The following RIMS3 variants were observed in gnomAD, a reference collection of about 807,000 sequenced individuals.
RIMS3 encodes regulating synaptic membrane exocytosis protein 3.
Under a neutral mutation model 29.2 loss-of-function variants are expected in RIMS3, and 15 were observed. That is an observed-to-expected ratio of 0.51 (90% CI 0.34 to 0.79). RIMS3 has a LOEUF of 0.79. RIMS3 is among the 30% of genes least tolerant of loss of function. The pLI, the probability that RIMS3 is intolerant of heterozygous loss-of-function variation, is 0.01. For missense variants in RIMS3, 342 were observed against 421.4 expected (o/e 0.81, Z 1.65); for synonymous variants, 161 against 170.1 (o/e 0.95, Z 0.41).
chr1:40,642,693 T>C (rs570576080), intron 2 of RIMS3, among the ~76,000 whole-genome samples: 3 of 152,194 alleles, frequency 2.0e-5, no homozygotes, highest in East Asian at 3.9e-4. Context: ...CAGTGGCTCA[T>C]GCCTGTAATC....
intron 5 of RIMS3, among the ~76,000 whole-genome samples, chr1:40,632,226 C>T (rs1280449170): frequency 6.6e-6 from 1 of 151,726 alleles, no homozygotes. Context: ...TACTGGTGTG[C>T]CGCATAATGA....
At chr1:40,628,328 G>A (rs1646467985) in intron 7 of RIMS3, among the ~76,000 whole-genome samples, 1 of 152,220 alleles carries the variant, frequency 6.6e-6, no homozygotes, top group South Asian at 2.1e-4. Flanking sequence ...TGTGCAGAAG[G>A]CCTTTGTTGC....
chr1:40,620,783 C>G lies in RIMS3; in HGVS notation c.*5734G>C, dbSNP rs558112464. ...CAAGGGAATTGGCAAGAATGTTGTACGAAACAGCCGGCAGTCCCTCCCAGC... is the reference window on the plus strand; with the variant it reads ...CAAGGGAATTGGCAAGAATGTTGTAGGAAACAGCCGGCAGTCCCTCCCAGC... On this transcript the variant is annotated 3_prime_UTR_variant, in exon 8 of 8. Coordinates refer to ENST00000372684, the MANE Select transcript of RIMS3 (RefSeq NM_014747.3). 1.3e-5 allele frequency: 2 copies of G among 152,636 alleles called. No homozygotes were observed. Among genetic ancestry groups the G allele is most frequent in the Non-Finnish European group, 2.9e-5 (2 of 68,058 alleles). 9.5% of individuals were successfully genotyped at this position (152,636 alleles called of 1,614,324 possible).
At position 40,654,581 on chromosome 1, in the gene RIMS3, CCA is replaced by C. The variant is rs990212504; in HGVS notation, c.-206-6741_-206-6740del. ...TGCACACAAAAACACACCTTGTGCACCACAGACTCACATGGCATGGAGATGCA... is the reference window on the plus strand; with the variant it reads ...TGCACACAAAAACACACCTTGTGCACCAGACTCACATGGCATGGAGATGCA... On this transcript the variant is annotated intron_variant, in intron 1 of 7. Coordinates refer to ENST00000372684, the MANE Select transcript of RIMS3 (RefSeq NM_014747.3). This position sits in a 1 kb window ranked among gnomAD's most constrained non-coding sequence, Gnocchi z 5.3. 1.6e-4 allele frequency among the ~76,000 whole-genome samples: 24 copies of C among 151,984 alleles called. No individual in the cohort carries two copies. Among genetic ancestry groups the C allele is most frequent in the African/African-American group, 5.8e-4 (24 of 41,392 alleles).
chr1:40,660,362 C>A (rs1027829745), intron 1 of RIMS3, among the ~76,000 whole-genome samples: 1 of 150,514 alleles, frequency 6.6e-6, no homozygotes, highest in Non-Finnish European at 1.5e-5. Context: ...GTCACACCTG[C>A]AGATTGTTGG....
chr1:40,640,439 T>C (rs1372865768), intron 3 of RIMS3, among the ~76,000 whole-genome samples: 2 of 152,274 alleles, frequency 1.3e-5, no homozygotes, highest in Non-Finnish European at 2.9e-5. Flanking sequence ...CGGCTTTGTA[T>C]AAATCTATTT....
At chr1:40,691,610 T>A in the RIMS3 span, 4 of 372,154 alleles carry the variant, frequency 1.1e-5, no homozygotes, top group African/African-American at 8.8e-5. Context: ...CCCTTCCCAA[T>A]TCTCGCGAGA....
chr1:40,678,382 TG>T, the RIMS3 span, among the ~76,000 whole-genome samples: 1 of 152,224 alleles, frequency 6.6e-6, no homozygotes, highest in African/African-American at 2.4e-5. Flanking sequence ...TGCTCCATCC[TG>T]GGTGACAGAG....
In RIMS3 at chr1:40,635,983, G is replaced by A. The variant is rs761653267; in HGVS notation, c.292C>T (p.Arg98Trp). 7 of 1,610,794 alleles carry A rather than the reference G, an allele frequency of 4.3e-6. No homozygotes were observed. Among genetic ancestry groups the A allele is most frequent in the Middle Eastern group, 1.7e-4 (1 of 6,050 alleles). ...ETGIAVEMRSRVTRQGSREST... is the reference protein window; with the variant it reads ...ETGIAVEMRSWVTRQGSREST... ...TCCCGGCTGCCCTGGCGTGTGACCC[G>A]GCTCCGCATCTCCACCGCGATGCCT... The change falls in exon 4 of 8, where the codon CGG (arginine) becomes TGG (tryptophan). Residue 98 changes from arginine to tryptophan, a missense_variant. By Grantham distance (101) the Arg-to-Trp change is moderately radical. Coordinates refer to ENST00000372684, the MANE Select transcript of RIMS3 (RefSeq NM_014747.3). This position sits in a 1 kb window ranked among gnomAD's most constrained non-coding sequence, Gnocchi z 4.1.
intron 1 of RIMS3, among the ~76,000 whole-genome samples, chr1:40,657,925 A>G (rs1328489570): frequency 1.3e-5 from 2 of 152,122 alleles, no homozygotes; most frequent in Admixed American, 6.5e-5. Flanking sequence ...AATAAAATTT[A>G]TATGTTTTAA....
the RIMS3 span, among the ~76,000 whole-genome samples, chr1:40,682,520 C>T: frequency 6.6e-6 from 1 of 151,978 alleles, no homozygotes; most frequent in Non-Finnish European, 1.5e-5. Context: ...TTCTCGCTCC[C>T]CATGTGACCA....
chr1:40,670,942 AAAG>A, the RIMS3 span, among the ~76,000 whole-genome samples: 1 of 152,064 alleles, frequency 6.6e-6, no homozygotes, highest in Admixed American at 6.6e-5. Context: ...CAAAGGAGTT[AAAG>A]GAGAAAGTAG....
chr1:40,676,986 T>G, the RIMS3 span, among the ~76,000 whole-genome samples: 319 of 140,498 alleles, frequency 2.3e-3, 3 homozygotes, highest in African/African-American at 7.9e-3. Context: ...TATGCCTTTT[T>G]TAAAAACAGG....
chr1:40,688,718 G>A, the RIMS3 span, among the ~76,000 whole-genome samples: 7 of 152,276 alleles, frequency 4.6e-5, no homozygotes, highest in Middle Eastern at 6.8e-3. Context: ...ACACGGGCAA[G>A]GAAATCCTAA....
chr1:40,627,680 C>T (rs1234952534), intron 7 of RIMS3, among the ~76,000 whole-genome samples: 3 of 152,134 alleles, frequency 2.0e-5, no homozygotes, highest in Non-Finnish European at 4.4e-5. Flanking sequence ...TAGCTCACTG[C>T]AGCCTTGACC....
intron 5 of RIMS3, among the ~76,000 whole-genome samples, chr1:40,630,032 A>T (rs537641764): frequency 6.0e-5 from 9 of 149,974 alleles, no homozygotes; most frequent in Non-Finnish European, 1.3e-4. Flanking sequence ...AGATTGCACC[A>T]CAGCACTCCG....
intron 7 of RIMS3, among the ~76,000 whole-genome samples, chr1:40,627,174 C>A (rs1226856872): frequency 6.6e-6 from 1 of 152,162 alleles, no homozygotes; most frequent in African/African-American, 2.4e-5. Flanking sequence ...TGCTGGCTTG[C>A]CGTGGGACTT....
At chr1:40,642,405 GTATTGGTGGTTAT>G (rs1646564525) in intron 2 of RIMS3, among the ~76,000 whole-genome samples, 1 of 152,198 alleles carries the variant, frequency 6.6e-6, no homozygotes. Flanking sequence ...TATTCAGTAA[GTATTGGTGGTTAT>G]TATTTTCATA....
At chr1:40,689,976 ATCTATGCTT>A in the RIMS3 span, among the ~76,000 whole-genome samples, 2 of 152,180 alleles carry the variant, frequency 1.3e-5, no homozygotes, top group African/African-American at 2.4e-5. Flanking sequence ...ATTCTGCTTC[ATCTATGCTT>A]GAGCACTACT....
Sources: gnomAD v4.1 joint callset for allele counts (sites outside exome capture counted in the v4.1 genomes callset) on GRCh38, gnomAD v4.1.1 for gene constraint, Gnocchi (gnomAD v3.1) non-coding constraint, MANE v1.5 for transcripts, NCBI Gene and HGNC (gene_info 2026-07-23, HGNC 2026-07-21) for gene names.